The following EXOC2 variants were observed in gnomAD, a reference collection of about 807,000 sequenced individuals.
EXOC2 encodes the protein exocyst complex component 2.
EXOC2 carries 70 observed loss-of-function variants against 131.8 expected under a neutral mutation model. The ratio of observed to expected loss-of-function variants is 0.53; its 90% CI spans 0.44 to 0.65. The LOEUF is 0.65. Among genes scored for constraint, EXOC2 ranks in the 30% least tolerant of loss-of-function variants. EXOC2 has a pLI of 0.00. For missense variants in EXOC2, 923 were observed against 1,108.6 expected, an observed-to-expected ratio of 0.83 and a Z score of 2.38; for synonymous variants, 411 against 398.4, an observed-to-expected ratio of 1.03 and a Z score of -0.38.
chr6:617,898 C>T (rs1761094677), intron 5 of EXOC2, 63 bp from the exon 6 acceptor site: 4 of 1,566,698 alleles, frequency 2.6e-6, no homozygotes, highest in Non-Finnish European at 3.5e-6. Flanking sequence ...AAAAATAATT[C>T]CTTCAGTGGA....
chr6:558,028 G>A (rs1268897813), intron 17 of EXOC2, among the ~76,000 whole-genome samples: 2 of 152,148 alleles, frequency 1.3e-5, no homozygotes, highest in African/African-American at 2.4e-5. Context: ...CCGGAGCAGC[G>A]AGACATGGAA....
At chr6:627,895 T>A (rs1372515579) in intron 4 of EXOC2, among the ~76,000 whole-genome samples, 1 of 152,264 alleles carries the variant, frequency 6.6e-6, no homozygotes, top group Non-Finnish European at 1.5e-5. Flanking sequence ...CAAAATCTGT[T>A]AATTTTATTC....
intron 23 of EXOC2, among the ~76,000 whole-genome samples, chr6:515,902 GTGATT>G (rs1765136677): frequency 6.6e-6 from 1 of 152,220 alleles, no homozygotes; most frequent in East Asian, 1.9e-4. Flanking sequence ...GTTCACTGTT[GTGATT>G]TAATCCCTTA....
intron 17 of EXOC2, among the ~76,000 whole-genome samples, chr6:558,633 G>A (rs1457435617): frequency 6.6e-6 from 1 of 151,990 alleles, no homozygotes; most frequent in Non-Finnish European, 1.5e-5. Flanking sequence ...CCAACATGAT[G>A]AAACCCCATC....
intron 2 of EXOC2, among the ~76,000 whole-genome samples, chr6:636,707 TA>T (rs1421805568): frequency 6.6e-6 from 1 of 152,204 alleles, no homozygotes; most frequent in East Asian, 1.9e-4. Context: ...AGAAGAAATG[TA>T]AATGGGAAGC....
At chr6:537,507 C>T (rs1766540056) in intron 22 of EXOC2, among the ~76,000 whole-genome samples, 1 of 152,182 alleles carries the variant, frequency 6.6e-6, no homozygotes, top group South Asian at 2.1e-4. Flanking sequence ...GGAGCGTACA[C>T]TCGAGTTGAT....
chr6:496,508 C>G (rs190790601), intron 25 of EXOC2, among the ~76,000 whole-genome samples: 155 of 152,206 alleles, frequency 1.0e-3, no homozygotes, highest in African/African-American at 3.3e-3. Context: ...CTATGGGATA[C>G]CTCTCTCACC....
intron 23 of EXOC2, among the ~76,000 whole-genome samples, chr6:512,075 C>T (rs1325613661): frequency 3.3e-5 from 5 of 152,266 alleles, no homozygotes; most frequent in Non-Finnish European, 7.3e-5. Flanking sequence ...TGCATATACA[C>T]ACACAGTCTT....
At chr6:491,295 C>G in intron 25 of EXOC2, 109 bp from the exon 26 acceptor site, 1 of 1,059,320 alleles carries the variant, frequency 9.4e-7, no homozygotes, top group Non-Finnish European at 1.4e-6. Context: ...ATGGGGTTGG[C>G]GTAATACCAC....
At chr6:684,019 A>ATT (rs1764530694) in intron 1 of EXOC2, among the ~76,000 whole-genome samples, 1 of 152,210 alleles carries the variant, frequency 6.6e-6, no homozygotes, top group African/African-American at 2.4e-5. Flanking sequence ...AATAAATTAA[A>ATT]GTAAACAGTG....
chr6:485,333 A>C lies in EXOC2; in HGVS notation c.*1338T>G, dbSNP rs2127458945. 6.6e-6 allele frequency: 1 copy of C among 152,358 alleles called. No individual in the cohort carries two copies. The allele number at this position is 152,358 out of a possible 1,614,324, so 9.4% of individuals were successfully genotyped here. On this transcript the variant is annotated 3_prime_UTR_variant, in exon 28 of 28. Transcript: ENST00000230449. ...CACATTTGTGAAAGATTAAACTTTC[A>C]TTTCCAGTTACCATGATGTCCCCCC... is the stretch of plus-strand genomic sequence containing the variant.
rs1413705712 is a variant in EXOC2 at position 562,791 on chromosome 6, G to A, written c.1844C>T (p.Thr615Ile). The change falls in exon 17 of 28, where the codon ACT (threonine) becomes ATT (isoleucine). Residue 615 changes from threonine (T) to isoleucine (I), a missense_variant. By Grantham distance (89) the Thr-to-Ile change is moderately conservative. Transcript: ENST00000230449. Reference sequence around the variant, plus strand: ...AAAAGAACTTAAACTTACTAGAGAAGTCAGTCCTTCATTGTCAACAATCCA... The same window carrying A: ...AAAAGAACTTAAACTTACTAGAGAAATCAGTCCTTCATTGTCAACAATCCA... ...EDWIVDNEGL[T>I]SLPCQFEQCI... 2 of 1,592,722 alleles carry A rather than the reference G, an allele frequency of 1.3e-6. No individual in the cohort carries two copies. Among genetic ancestry groups the A allele is most frequent in the African/African-American group, 1.3e-5 (1 of 74,170 alleles).
intron 1 of EXOC2, among the ~76,000 whole-genome samples, chr6:662,571 A>C (rs1427589214): frequency 1.3e-5 from 2 of 152,216 alleles, no homozygotes; most frequent in Non-Finnish European, 2.9e-5. Flanking sequence ...TCAAAAACAA[A>C]ATCAAGATGG....
intron 7 of EXOC2, 70 bp from the exon 8 acceptor site, chr6:599,295 T>G: frequency 1.4e-6 from 2 of 1,416,492 alleles, no homozygotes; most frequent in Non-Finnish European, 1.9e-6. Flanking sequence ...AACTGGGCAC[T>G]AGAAACAAAA....
At chr6:567,263 C>A (rs1758015899) in intron 13 of EXOC2, among the ~76,000 whole-genome samples, 1 of 152,186 alleles carries the variant, frequency 6.6e-6, no homozygotes. Flanking sequence ...ATAAGCTGAG[C>A]TGCCCTCCTG....
chr6:617,527 A>G (rs1351760980), intron 6 of EXOC2, among the ~76,000 whole-genome samples, 184 bp downstream of exon 6: 1 of 152,268 alleles, frequency 6.6e-6, no homozygotes, highest in East Asian at 1.9e-4. Flanking sequence ...CCTCAGAGAT[A>G]AATTTTTAAA....
chr6:672,624 C>G (rs1055354813), intron 1 of EXOC2, among the ~76,000 whole-genome samples: 28 of 152,306 alleles, frequency 1.8e-4, no homozygotes, highest in East Asian at 3.9e-4. Context: ...ATTTAGGGGA[C>G]AGTGGTTTAC....
In EXOC2 at chr6:534,814, C is replaced by G. The variant is rs2473483; in HGVS notation, c.2239-2204G>C. On this transcript the variant is annotated intron_variant, in intron 22 of 27. Coordinates refer to ENST00000230449, the MANE Select transcript of EXOC2 (RefSeq NM_018303.6). ...AGTTCCCTCTCGCCCTTCTTTATCT[C>G]TCTCTTTCTCTAGTATCTATAAACA... Among the ~76,000 whole-genome samples the G allele has an allele frequency of 3.9e-3, 588 of 152,320 alleles. 3 individuals carry two copies. The highest frequency in any genetic ancestry group is 0.014 in the African/African-American group (571 of 41,562).
chr6:667,953 A>G (rs1763690911), intron 1 of EXOC2, among the ~76,000 whole-genome samples: 3 of 151,932 alleles, frequency 2.0e-5, no homozygotes, highest in African/African-American at 4.8e-5. Flanking sequence ...GGAAAGCCCT[A>G]ATACACTGGG....
Sources: allele counts gnomAD v4.1 joint callset (sites outside exome capture counted in the v4.1 genomes callset), GRCh38; gene constraint gnomAD v4.1.1; transcripts MANE v1.5; gene names NCBI Gene and HGNC (gene_info 2026-07-23, HGNC 2026-07-21).